The following XRCC5 variants were observed in gnomAD, a reference collection of about 807,000 sequenced individuals.
The protein encoded by XRCC5 is DNA repair protein Ku80.
In XRCC5, 12 loss-of-function variants were observed where a neutral mutation model predicts 95.7. The observed-to-expected ratio is 0.13, with a 90% confidence interval of 0.08 to 0.20. The LOEUF (loss-of-function observed/expected upper bound fraction) is 0.20, where lower values mean the gene tolerates loss of function less well. XRCC5 is among the 10% of genes least tolerant of loss of function. The pLI is 1.00. For synonymous variants in XRCC5, 281 were observed against 290.3 expected, an observed-to-expected ratio of 0.97 and a Z score of 0.33; for missense variants, 595 against 873.9, an observed-to-expected ratio of 0.68 and a Z score of 4.02.
At chr2:216,188,335 A>G (rs1262266826) in intron 16 of XRCC5, among the ~76,000 whole-genome samples, 1 of 152,250 alleles carries the variant, frequency 6.6e-6, no homozygotes, top group Non-Finnish European at 1.5e-5. Context: ...TGTTAATTTT[A>G]TGTATATGCA....
At position 216,126,008 on chromosome 2, in the gene XRCC5, A is replaced by C. The variant is rs1260256726; in HGVS notation, c.775A>C (p.Ile259Leu). ...CRLTIGSNLS[I>L]RIAAYKSILQ... ...ACTGACCATTGGCTCCAATTTGTCT[A>C]TAAGGATTGCAGCCTATAAATCGGT... The change falls in exon 7 of 21, where the codon ATA becomes CTA. Residue 259 changes from isoleucine (I) to leucine (L), a missense_variant. By Grantham distance (5) the Ile-to-Leu change is conservative. Coordinates refer to ENST00000392132, the MANE Select transcript of XRCC5 (RefSeq NM_021141.4). The C allele has an allele frequency of 6.2e-7, 1 of 1,613,796 alleles. No homozygotes were observed. The highest frequency in any genetic ancestry group is 8.5e-7 in the Non-Finnish European group (1 of 1,179,692).
intron 20 of XRCC5, 88 bp downstream of exon 20, chr2:216,204,484 T>A: frequency 7.0e-7 from 1 of 1,426,608 alleles, no homozygotes; most frequent in Non-Finnish European, 9.9e-7. Flanking sequence ...ATCTTACACT[T>A]GTTGCTTATT....
At chr2:216,121,768 G>C (rs557118437) in intron 5 of XRCC5, among the ~76,000 whole-genome samples, 25 of 151,782 alleles carry the variant, frequency 1.6e-4, no homozygotes, top group African/African-American at 5.8e-4. Context: ...AATAGAGACA[G>C]AGAGAGTAAT....
intron 19 of XRCC5, among the ~76,000 whole-genome samples, chr2:216,198,532 C>CTTTT (rs930791277): frequency 2.2e-5 from 3 of 138,088 alleles, no homozygotes; most frequent in Admixed American, 7.6e-5. Flanking sequence ...ATGAAAAATG[C>CTTTT]TTTTATTTAT....
chr2:216,111,398 A>C lies in XRCC5; in HGVS notation c.22-1618A>C, dbSNP rs1490893294. 8.9e-6 allele frequency: 4 copies of C among 450,914 alleles called. No homozygotes were observed. In the East Asian group the frequency reaches 2.9e-4, roughly 32 times the overall value. The allele number at this position is 450,914 out of a possible 1,614,324, so 27.9% of individuals were successfully genotyped here. ...AATTAGCTGGGCATGGTGGGGTGCA[A>C]CTGTGGTCCCAGCTATTTGGAAGGC... On this transcript the variant is annotated intron_variant, in intron 1 of 20. Coordinates refer to ENST00000392132, the MANE Select transcript of XRCC5 (RefSeq NM_021141.4).
intron 19 of XRCC5, among the ~76,000 whole-genome samples, chr2:216,202,603 C>T (rs1689855234): frequency 6.6e-6 from 1 of 152,192 alleles, no homozygotes; most frequent in Non-Finnish European, 1.5e-5. Flanking sequence ...GATTTCCTCT[C>T]TCTTATACCA....
intron 13 of XRCC5, among the ~76,000 whole-genome samples, chr2:216,146,775 G>A (rs1688643567): frequency 6.6e-6 from 1 of 152,134 alleles, no homozygotes; most frequent in Non-Finnish European, 1.5e-5. Flanking sequence ...ATGGGCAGTG[G>A]AGAATTTGCC....
intron 13 of XRCC5, among the ~76,000 whole-genome samples, chr2:216,146,347 A>AT (rs934588902): frequency 6.6e-6 from 1 of 152,112 alleles, no homozygotes; most frequent in Admixed American, 6.5e-5. Context: ...AGCATCTTTT[A>AT]TTTTTTTAGA....
At chr2:216,118,777 TA>T (rs1353894118) in intron 4 of XRCC5, among the ~76,000 whole-genome samples, 2 of 152,220 alleles carry the variant, frequency 1.3e-5, no homozygotes, top group Non-Finnish European at 2.9e-5. Flanking sequence ...TGGGAAGGGA[TA>T]TTTTTTCATC....
chr2:216,143,864 G>C (rs1697210087), intron 13 of XRCC5, among the ~76,000 whole-genome samples: 1 of 136,508 alleles, frequency 7.3e-6, no homozygotes, highest in East Asian at 2.0e-4. Context: ...CCGCCACCAC[G>C]CCCGGCTAAT....
intron 20 of XRCC5, 33 bp downstream of exon 20, chr2:216,204,429 T>C: frequency 6.2e-7 from 1 of 1,610,432 alleles, no homozygotes; most frequent in South Asian, 1.1e-5. Context: ...TGGTGTTCTA[T>C]GATTGAAGTC....
rs758207439 is a variant in XRCC5, at chr2:216,127,600, A to G, written c.863A>G (p.Asp288Gly). Residue 288 changes from aspartate to glycine, a missense_variant, in exon 8 of 21, where the codon GAT (aspartate) becomes GGT (glycine). Physicochemically the swap from Asp to Gly is moderately conservative, Grantham distance 94. Transcript: ENST00000392132. The stretch of plus-strand genomic sequence containing the variant: ...GATGCAAAAACCCTAAAAAAAGAAG[A>G]TATACAAAAAGAAACAGTTTATTGC... ...VVDAKTLKKE[D>G]IQKETVYCLN... 2 of 1,612,666 alleles carry G rather than the reference A, an allele frequency of 1.2e-6. No individual in the cohort carries two copies. Among genetic ancestry groups the G allele is most frequent in the East Asian group, 2.2e-5 (1 of 44,778 alleles).
chr2:216,141,125 G>A (rs1242188058), intron 12 of XRCC5, 61 bp from the exon 13 acceptor site: 2 of 1,596,324 alleles, frequency 1.3e-6, no homozygotes, highest in East Asian at 2.2e-5. Flanking sequence ...TACGTAGAAA[G>A]CATTTGTTTT....
intron 15 of XRCC5, among the ~76,000 whole-genome samples, chr2:216,160,577 C>T (rs1384810689): frequency 2.0e-5 from 3 of 152,044 alleles, no homozygotes. Context: ...ACAGGATTCA[C>T]AAGTTTAGGA....
chr2:216,173,155 T>A (rs2106034708), intron 16 of XRCC5, among the ~76,000 whole-genome samples: 1 of 152,276 alleles, frequency 6.6e-6, no homozygotes. Context: ...ACATACAGGA[T>A]CATATTGTCT....
Position 216,148,098 on chromosome 2 carries a change from G to A in XRCC5, c.1492G>A (p.Ala498Thr). 6.2e-7 allele frequency: 1 copy of A among 1,613,674 alleles called. No individual in the cohort carries two copies. Among genetic ancestry groups the A allele is most frequent in the African/African-American group, 1.3e-5 (1 of 75,010 alleles). ...QRLFQCLLHR[A>T]LHPREPLPPI... is the part of the protein sequence containing the mutation. ...TTTCCAACAGTGTCTGCTGCACAGA[G>A]CTTTACATCCCCGGGAGCCTCTACC... Residue 498 changes from alanine to threonine, a missense_variant, in exon 14 of 21, where the codon GCT becomes ACT. This residue lies in a region of XRCC5 where 309 missense variants were observed against 382.9 expected (regional missense o/e 0.81). Transcript: ENST00000392132.
chr2:216,180,644 G>T (rs1466443747), intron 16 of XRCC5, among the ~76,000 whole-genome samples: 1 of 152,052 alleles, frequency 6.6e-6, no homozygotes, highest in Non-Finnish European at 1.5e-5. Context: ...ATTCCTGGAG[G>T]AGGTTGGCAT....
chr2:216,109,590 C>G, intron 1 of XRCC5, 133 bp downstream of exon 1: 1 of 1,366,572 alleles, frequency 7.3e-7, no homozygotes, highest in Non-Finnish European at 1.0e-6. Flanking sequence ...TGGGCTCAGT[C>G]AGGAGGGCCG....
chr2:216,127,587 C>T lies in XRCC5; in HGVS notation c.850C>T (p.Leu284=), dbSNP rs780170531. 6.8e-6 allele frequency: 11 copies of T among 1,611,318 alleles called. No individual in the cohort carries two copies. Among genetic ancestry groups the T allele is most frequent in the Non-Finnish European group, 8.5e-6 (10 of 1,179,140 alleles). Residue 284 remains leucine (L), a synonymous_variant, in exon 8 of 21, where the codon CTA becomes TTA. Transcript: ENST00000392132. ...KTWTVVDAKT[L]KKEDIQKETV... ...TTGGACAGTTGTGGATGCAAAAACC[C>T]TAAAAAAAGAAGATATACAAAAAGA...
Sources: gnomAD v4.1 joint callset for allele counts (sites outside exome capture counted in the v4.1 genomes callset) on GRCh38, gnomAD v4.1.1 for gene constraint, gnomAD v4.1.1 regional missense constraint, MANE v1.5 for transcripts, NCBI Gene and HGNC (gene_info 2026-07-23, HGNC 2026-07-21) for gene names.